The following MTCL2 variants were observed in gnomAD, a reference collection of about 807,000 sequenced individuals.
MTCL2 encodes microtubule crosslinking factor 2.
the MTCL2 span, chr20:36,786,519 C>T: frequency 6.5e-7 from 1 of 1,549,900 alleles, no homozygotes. Context: ...CTCCTCCCCA[C>T]CCCAGCTGGA....
At chr20:36,829,740 G>C in the MTCL2 span, among the ~76,000 whole-genome samples, 1 of 152,060 alleles carries the variant, frequency 6.6e-6, no homozygotes, top group Non-Finnish European at 1.5e-5. Context: ...GCTCACACCT[G>C]TAATCCCAGC....
the MTCL2 span, chr20:36,839,400 C>T: frequency 1.2e-5 from 20 of 1,613,430 alleles, no homozygotes; most frequent in Non-Finnish European, 1.6e-5. This position sits in a 1 kb window ranked among gnomAD's most constrained non-coding sequence, Gnocchi z 5.1. Context: ...TATAGACGTC[C>T]CGCATCTCCA....
At chr20:36,849,804 T>C in the MTCL2 span, among the ~76,000 whole-genome samples, 1 of 152,218 alleles carries the variant, frequency 6.6e-6, no homozygotes, top group Non-Finnish European at 1.5e-5. Flanking sequence ...TGGCTCCAGA[T>C]GCATGGCTAT....
the MTCL2 span, among the ~76,000 whole-genome samples, chr20:36,820,302 C>T: frequency 6.6e-6 from 1 of 152,120 alleles, no homozygotes; most frequent in Non-Finnish European, 1.5e-5. Flanking sequence ...GAGAGGAGAG[C>T]CAGGGGTCTG....
the MTCL2 span, among the ~76,000 whole-genome samples, chr20:36,829,513 CTTTTTT>C: frequency 1.9e-5 from 2 of 106,522 alleles, no homozygotes; most frequent in Non-Finnish European, 3.7e-5. Flanking sequence ...TTACCTGAGG[CTTTTTT>C]TTTTTTTTTT....
chr20:36,810,706 T>TTCTCTCTCTCCCTC, the MTCL2 span, among the ~76,000 whole-genome samples: 1 of 61,076 alleles, frequency 1.6e-5, no homozygotes, highest in Non-Finnish European at 3.7e-5. Flanking sequence ...CCTCCCCTCC[T>TTCTCTCTCTCCCTC]TCTCTCTCTC....
chr20:36,852,251 G>A, the MTCL2 span, among the ~76,000 whole-genome samples: 2 of 152,148 alleles, frequency 1.3e-5, no homozygotes, highest in East Asian at 1.9e-4. Context: ...CCCTCAGGCC[G>A]AGGCCTGGGC....
At chr20:36,837,254 C>T in the MTCL2 span, among the ~76,000 whole-genome samples, 45,055 of 152,108 alleles carry the variant, frequency 0.3, 7,565 homozygotes, top group Middle Eastern at 0.43. Flanking sequence ...GGCAGAGGGC[C>T]GGGCCTGGGG....
chr20:36,842,940 C>T, the MTCL2 span, among the ~76,000 whole-genome samples: 15 of 152,200 alleles, frequency 9.9e-5, no homozygotes, highest in South Asian at 2.1e-3. Flanking sequence ...TCTGGAGAGC[C>T]GGATTCCTCA....
chr20:36,790,765 G>A, the MTCL2 span, among the ~76,000 whole-genome samples: 2 of 148,556 alleles, frequency 1.3e-5, no homozygotes. Flanking sequence ...ATGTAGAGAT[G>A]AGCTCTCACC....
At chr20:36,839,471 G>C in the MTCL2 span, 1 of 1,604,914 alleles carries the variant, frequency 6.2e-7, no homozygotes, top group Non-Finnish European at 8.5e-7. This position sits in a 1 kb window ranked among gnomAD's most constrained non-coding sequence, Gnocchi z 5.1. Context: ...TCAGGTCACT[G>C]GGCCCACAGT....
chr20:36,838,926 G>A, the MTCL2 span, among the ~76,000 whole-genome samples: 680 of 151,906 alleles, frequency 4.5e-3, 9 homozygotes, highest in African/African-American at 0.015. Flanking sequence ...CTGAGATCGC[G>A]CCATTGCATT....
chr20:36,841,155 CAAAAAAAAAAAAAAAAA>C, the MTCL2 span, among the ~76,000 whole-genome samples: 10 of 40,352 alleles, frequency 2.5e-4, no homozygotes, highest in Non-Finnish European at 3.6e-4. Context: ...ACTAAAAATA[CAAAAAAAAAAAAAAAAA>C]AAAAAAAAAA....
the MTCL2 span, chr20:36,828,757 C>G: frequency 5.8e-6 from 2 of 346,028 alleles, no homozygotes; most frequent in African/African-American, 4.3e-5. Flanking sequence ...GTTAATCCTC[C>G]CACAGCGGCT....
chr20:36,791,046 T>TTG, the MTCL2 span, among the ~76,000 whole-genome samples: 1 of 151,906 alleles, frequency 6.6e-6, no homozygotes, highest in Non-Finnish European at 1.5e-5. Flanking sequence ...ATTTTTTTTT[T>TTG]TGTGTGGAGA....
the MTCL2 span, chr20:36,783,991 CT>C: frequency 3.0e-6 from 3 of 985,680 alleles, no homozygotes; most frequent in Non-Finnish European, 3.6e-6. Context: ...TGGGGCTTTA[CT>C]GAAAACCAAG....
the MTCL2 span, among the ~76,000 whole-genome samples, chr20:36,821,065 A>G: frequency 6.6e-6 from 1 of 152,262 alleles, no homozygotes; most frequent in Admixed American, 6.5e-5. Context: ...AAAAGGACAT[A>G]GAAGAATACA....
the MTCL2 span, among the ~76,000 whole-genome samples, chr20:36,836,591 G>A: frequency 5.3e-5 from 8 of 151,822 alleles, no homozygotes; most frequent in East Asian, 3.9e-4. Context: ...TGATCCATCC[G>A]CCTCGGCCTG....
chr20:36,858,844 G>A, the MTCL2 span, among the ~76,000 whole-genome samples: 1 of 152,256 alleles, frequency 6.6e-6, no homozygotes, highest in African/African-American at 2.4e-5. Context: ...AGGCTAGAGT[G>A]CAGTGGCGCC....
Sources: gnomAD v4.1 joint callset for allele counts (sites outside exome capture counted in the v4.1 genomes callset) on GRCh38, gnomAD v4.1.1 for gene constraint, Gnocchi (gnomAD v3.1) non-coding constraint, MANE v1.5 for transcripts, NCBI Gene and HGNC (gene_info 2026-07-23, HGNC 2026-07-21) for gene names.